MAMDC2: variants seen among roughly 807,000 people sequenced by gnomAD.
The protein encoded by MAMDC2 is MAM domain-containing protein 2.
In MAMDC2, 57 loss-of-function variants were observed where a neutral mutation model predicts 89.8. The ratio of observed to expected loss-of-function variants is 0.63; its 90% CI spans 0.51 to 0.79. The LOEUF is 0.79. Among genes scored for constraint, MAMDC2 ranks in the 30% least tolerant of loss-of-function variants. MAMDC2 has a pLI of 0.00. For synonymous variants in MAMDC2, 313 were observed against 293.4 expected (o/e 1.07, Z -0.68); for missense variants, 800 against 820.6 (o/e 0.97, Z 0.31).
At chr9:70,109,448 C>CAGCT in intron 3 of MAMDC2, 1 of 376,092 alleles carries the variant, frequency 2.7e-6, no homozygotes, top group Non-Finnish European at 4.7e-6. Context: ...GAAGAAAAGA[C>CAGCT]AGCTGACTCT....
chr9:70,075,754 C>G (rs1827515342), intron 2 of MAMDC2, among the ~76,000 whole-genome samples: 1 of 152,176 alleles, frequency 6.6e-6, no homozygotes, highest in African/African-American at 2.4e-5. Flanking sequence ...TACAAAGTTA[C>G]TCATAGTGGC....
rs949362835 is a variant in MAMDC2, at chr9:70,210,437, G to A, written c.1652-7900G>A. 5.9e-5 allele frequency among the ~76,000 whole-genome samples: 9 copies of A among 152,040 alleles called. 1 individual carries two copies. The highest frequency in any genetic ancestry group is 2.1e-4 in the South Asian group (1 of 4,804). ...TTGTTGGTTTAAAGTCTGTTTTATC[G>A]AAGACTAGGATTGCAACCCCTGCCT... is the stretch of plus-strand genomic sequence containing the variant. On this transcript the variant is annotated intron_variant, in intron 11 of 13. Coordinates refer to ENST00000377182, the MANE Select transcript of MAMDC2 (RefSeq NM_153267.5).
At chr9:70,140,608 CA>C (rs529686573) in intron 8 of MAMDC2, among the ~76,000 whole-genome samples, 285 of 152,156 alleles carry the variant, frequency 1.9e-3, no homozygotes, top group African/African-American at 6.6e-3. Context: ...CATATTCCTA[CA>C]GATAAAAAGC....
At chr9:70,149,664 G>T (rs545425324) in intron 9 of MAMDC2, among the ~76,000 whole-genome samples, 1 of 152,212 alleles carries the variant, frequency 6.6e-6, no homozygotes, top group African/African-American at 2.4e-5. Flanking sequence ...TGAAGGATCA[G>T]TTGGGCGGTG....
At chr9:70,051,150 A>G (rs1826885025) in intron 2 of MAMDC2, among the ~76,000 whole-genome samples, 1 of 151,720 alleles carries the variant, frequency 6.6e-6, no homozygotes, top group African/African-American at 2.4e-5. Context: ...CTCTTGCCTG[A>G]CCCCTCCACT....
chr9:70,064,252 C>A (rs1827214546), intron 2 of MAMDC2, among the ~76,000 whole-genome samples: 1 of 151,860 alleles, frequency 6.6e-6, no homozygotes, highest in Admixed American at 6.6e-5. Context: ...TTTATGAGAT[C>A]TTTGTGCCCC....
intron 9 of MAMDC2, among the ~76,000 whole-genome samples, chr9:70,168,061 T>G (rs115453162): frequency 3.3e-5 from 5 of 152,246 alleles, no homozygotes; most frequent in African/African-American, 2.4e-5. Flanking sequence ...GGGGAAAATG[T>G]TTAAAACCTG....
At chr9:70,129,941 G>T (rs1388898137) in intron 6 of MAMDC2, among the ~76,000 whole-genome samples, 1 of 151,662 alleles carries the variant, frequency 6.6e-6, no homozygotes, top group Non-Finnish European at 1.5e-5. Flanking sequence ...CCCATTTCTG[G>T]TGGTGTGCTG....
At chr9:70,103,810 C>T (rs922465532) in intron 2 of MAMDC2, among the ~76,000 whole-genome samples, 9 of 151,924 alleles carry the variant, frequency 5.9e-5, no homozygotes, top group Non-Finnish European at 7.4e-5. Context: ...GGTGAAACCC[C>T]GTCTGTACTA....
chr9:70,068,076 AT>A (rs1248079034), intron 2 of MAMDC2, among the ~76,000 whole-genome samples: 3 of 152,232 alleles, frequency 2.0e-5, no homozygotes, highest in Non-Finnish European at 4.4e-5. Flanking sequence ...ACTTTAAAGC[AT>A]GCTACCATCG....
chr9:70,176,303 T>A (rs1450208430), intron 11 of MAMDC2, among the ~76,000 whole-genome samples: 1 of 152,244 alleles, frequency 6.6e-6, no homozygotes, highest in East Asian at 1.9e-4. Context: ...TTTACATTAT[T>A]TCTGGGTTAT....
chr9:70,057,738 T>C (rs1827055139), intron 2 of MAMDC2, among the ~76,000 whole-genome samples: 1 of 152,222 alleles, frequency 6.6e-6, no homozygotes, highest in South Asian at 2.1e-4. Flanking sequence ...CAGTGAATCA[T>C]AGTCATGCAC....
At chr9:70,070,510 G>A (rs754287509) in intron 2 of MAMDC2, among the ~76,000 whole-genome samples, 1 of 152,190 alleles carries the variant, frequency 6.6e-6, no homozygotes, top group Non-Finnish European at 1.5e-5. Flanking sequence ...ATAAATATCT[G>A]TAGGTGTTGA....
At chr9:70,149,703 T>G (rs1359515378) in intron 9 of MAMDC2, among the ~76,000 whole-genome samples, 1 of 152,234 alleles carries the variant, frequency 6.6e-6, no homozygotes, top group Non-Finnish European at 1.5e-5. Context: ...GGTCAGAATC[T>G]TTTGGTGTGG....
At chr9:70,140,618 G>A (rs1426694112) in intron 8 of MAMDC2, among the ~76,000 whole-genome samples, 2 of 152,116 alleles carry the variant, frequency 1.3e-5, no homozygotes, top group Non-Finnish European at 2.9e-5. Context: ...CAGATAAAAA[G>A]CAGATTTCAG....
At chr9:70,159,047 TACACACACACACAC>T (rs755304556) in intron 9 of MAMDC2, among the ~76,000 whole-genome samples, 3 of 145,064 alleles carry the variant, frequency 2.1e-5, no homozygotes, top group Non-Finnish European at 3.0e-5. Context: ...GCATGCATAA[TACACACACACACAC>T]ACACACACAC....
chr9:70,132,791 T>G (rs909717289), intron 7 of MAMDC2, among the ~76,000 whole-genome samples: 2 of 152,200 alleles, frequency 1.3e-5, no homozygotes, highest in East Asian at 3.9e-4. Context: ...CCCAAAGTGC[T>G]GGCATTACAG....
At chr9:70,217,075 A>C (rs1249637060) in intron 11 of MAMDC2, 4 of 482,788 alleles carry the variant, frequency 8.3e-6, no homozygotes, top group African/African-American at 7.8e-5. Context: ...TTCTGCCTGA[A>C]GCCAATAAAT....
At chr9:70,152,269 G>C (rs2031605881) in intron 9 of MAMDC2, among the ~76,000 whole-genome samples, 1 of 151,366 alleles carries the variant, frequency 6.6e-6, no homozygotes, top group African/African-American at 2.4e-5. Flanking sequence ...AAACTATAGG[G>C]ATGAAGCAAC....
Sources: gnomAD v4.1 joint callset for allele counts (sites outside exome capture counted in the v4.1 genomes callset) on GRCh38, gnomAD v4.1.1 for gene constraint, MANE v1.5 for transcripts, NCBI Gene and HGNC (gene_info 2026-07-23, HGNC 2026-07-21) for gene names.